Variants in PCDHGB1 observed in about 807,000 individuals in gnomAD.
PCDHGB1 encodes the protein protocadherin gamma subfamily B, 1, also known as protocadherin gamma-B1.
In PCDHGB1, 34 loss-of-function variants were observed where a neutral mutation model predicts 56.6. That is an observed-to-expected ratio of 0.60 (90% confidence interval 0.46 to 0.80). The LOEUF (loss-of-function observed/expected upper bound fraction) is 0.80, where lower values mean the gene tolerates loss of function less well. Among genes scored for constraint, PCDHGB1 ranks in the 30% least tolerant of loss-of-function variants. The pLI, the probability that PCDHGB1 is intolerant of heterozygous loss-of-function variation, is 0.00. For missense variants in PCDHGB1, 1,278 were observed against 1,204.6 expected, an observed-to-expected ratio of 1.06 and a Z score of -0.90; for synonymous variants, 561 against 505.9, an observed-to-expected ratio of 1.11 and a Z score of -1.46.
chr5:141,366,518 A>G lies in PCDHGB1; in HGVS notation c.2409+13849A>G, dbSNP rs202129179. On this transcript the variant is annotated intron_variant, in intron 1 of 3. Coordinates refer to ENST00000523390, the MANE Select transcript of PCDHGB1 (RefSeq NM_018922.3). ...GTCACGCCTGCTTCAGGCTGAAGGC[A>G]GCAGGTTGGCGGGTGTGCCCGCCTC... 2.2e-4 allele frequency: 362 copies of G among 1,614,126 alleles called. 1 individual carries two copies. Among genetic ancestry groups the G allele is most frequent in the Non-Finnish European group, 2.9e-4 (339 of 1,180,048 alleles).
intron 2 of PCDHGB1, among the ~76,000 whole-genome samples, chr5:141,501,287 TTA>T (rs1491235092): frequency 6.2e-5 from 6 of 96,980 alleles, no homozygotes; most frequent in African/African-American, 2.5e-4. Context: ...GGATATTCCC[TTA>T]TACACACACA....
At chr5:141,424,171 C>A in intron 1 of PCDHGB1, 1 of 226,338 alleles carries the variant, frequency 4.4e-6, no homozygotes, top group Non-Finnish European at 8.0e-6. Flanking sequence ...ATCTATCTAT[C>A]TATACACATG....
intron 1 of PCDHGB1, chr5:141,384,987 G>C (rs775895766): frequency 6.2e-7 from 1 of 1,614,114 alleles, no homozygotes; most frequent in African/African-American, 1.3e-5. Context: ...TGGTGGTGGC[G>C]GTGGCCACAG....
rs551220443 is a variant in PCDHGB1, at chr5:141,432,206, G to A, written c.2410-62601G>A. On this transcript the variant is annotated intron_variant, in intron 1 of 3. Transcript: ENST00000523390. The surrounding 1 kb of genome is among the most constrained non-coding windows in gnomAD (Gnocchi z 6.0). ...GACCGCCCACGACCCCGACTGTGAA[G>A]AGAACGCCCAGATCACTTATTCCCT... The A allele has an allele frequency of 6.2e-7, 1 of 1,614,096 alleles. No individual in the cohort carries two copies. Among genetic ancestry groups the A allele is most frequent in the Non-Finnish European group, 8.5e-7 (1 of 1,180,042 alleles).
At chr5:141,416,620 G>T (rs1395913352) in intron 1 of PCDHGB1, 1 of 152,142 alleles carries the variant, frequency 6.6e-6, no homozygotes, top group Non-Finnish European at 1.5e-5. Flanking sequence ...CATTTCTGCA[G>T]ATCAGAATAT....
At chr5:141,404,560 C>T (rs2094540099) in intron 1 of PCDHGB1, 37 of 1,613,460 alleles carry the variant, frequency 2.3e-5, no homozygotes, top group Non-Finnish European at 3.1e-5. Flanking sequence ...CGGCAAGTGA[C>T]AGTGGAAGCC....
intron 1 of PCDHGB1, among the ~76,000 whole-genome samples, chr5:141,449,339 G>T (rs1307731679): frequency 6.6e-6 from 1 of 151,930 alleles, no homozygotes; most frequent in Non-Finnish European, 1.5e-5. Context: ...AGGTGCAGTG[G>T]CTCACTCCTG....
chr5:141,472,980 C>CAAAAAAAAAAAAAAAAAAGAAAAAAA (rs60579131), intron 1 of PCDHGB1, among the ~76,000 whole-genome samples: 1 of 86,106 alleles, frequency 1.2e-5, no homozygotes, highest in South Asian at 4.3e-4. Flanking sequence ...GAGTGAAACT[C>CAAAAAAAAAAAAAAAAAAGAAAAAAA]AAAAAAAAAA....
At chr5:141,399,231 T>C in intron 1 of PCDHGB1, 1 of 1,613,942 alleles carries the variant, frequency 6.2e-7, no homozygotes, top group Non-Finnish European at 8.5e-7. Flanking sequence ...TCAAAATACA[T>C]GACCAAGATT....
Position 141,490,600 on chromosome 5 carries a change from T to G in PCDHGB1, c.2410-4207T>G. 6.2e-7 allele frequency: 1 copy of G among 1,614,164 alleles called. No homozygotes were observed. Among genetic ancestry groups the G allele is most frequent in the South Asian group, 1.1e-5 (1 of 91,072 alleles). ...AGATGTCAATGACAATGCACCCCGCTTCAACCAGCAGCTTTACACTGCTTA... is the reference window on the plus strand; with the variant it reads ...AGATGTCAATGACAATGCACCCCGCGTCAACCAGCAGCTTTACACTGCTTA... On this transcript the variant is annotated intron_variant, in intron 1 of 3. Coordinates refer to ENST00000523390, the MANE Select transcript of PCDHGB1 (RefSeq NM_018922.3). The surrounding 1 kb of genome is among the most constrained non-coding windows in gnomAD (Gnocchi z 5.4).
At chr5:141,365,177 A>G in intron 1 of PCDHGB1, 3 of 1,613,884 alleles carry the variant, frequency 1.9e-6, no homozygotes, top group Non-Finnish European at 2.5e-6. Context: ...CTCTTTTCGC[A>G]ATGAAGAAGA....
chr5:141,353,819 G>A (rs149485600), intron 1 of PCDHGB1, among the ~76,000 whole-genome samples: 40 of 152,124 alleles, frequency 2.6e-4, no homozygotes, highest in African/African-American at 9.2e-4. Context: ...TCAATCATCC[G>A]CAGTTTGTGC....
chr5:141,442,596 T>C (rs2154559877), intron 1 of PCDHGB1: 1 of 152,310 alleles, frequency 6.6e-6, no homozygotes, highest in South Asian at 2.1e-4. Flanking sequence ...TTAAATATTT[T>C]CAGAGATCTC....
At chr5:141,385,132 G>A (rs763210124) in intron 1 of PCDHGB1, 9 of 1,614,208 alleles carry the variant, frequency 5.6e-6, no homozygotes, top group Middle Eastern at 1.6e-4. Flanking sequence ...GGGCATGGAC[G>A]GGGTGCAGGC....
rs1199756501 is a variant in PCDHGB1 at position 141,493,222 on chromosome 5, C to A, written c.2410-1585C>A. Among the ~76,000 whole-genome samples the A allele has an allele frequency of 6.6e-6, 1 of 152,194 alleles. No individual in the cohort carries two copies. Among genetic ancestry groups the A allele is most frequent in the East Asian group, 1.9e-4 (1 of 5,196 alleles). ...ACCTCATCTCATTTGCTCTTCCCAC[C>A]ATTGCTGTTGGCTAGGTACTAACAT... On this transcript the variant is annotated intron_variant, in intron 1 of 3. Coordinates refer to ENST00000523390, the MANE Select transcript of PCDHGB1 (RefSeq NM_018922.3). This position sits in a 1 kb window ranked among gnomAD's most constrained non-coding sequence, Gnocchi z 4.3.
chr5:141,378,647 G>A lies in PCDHGB1; in HGVS notation c.2409+25978G>A, dbSNP rs576972610. On this transcript the variant is annotated intron_variant, in intron 1 of 3. Coordinates refer to ENST00000523390, the MANE Select transcript of PCDHGB1 (RefSeq NM_018922.3). Reference sequence around the variant, plus strand: ...CTGACTGGTGAATGGGAGAACAAATGTTAATGAGGTTCAAATAAAAATTTA... The same window carrying A: ...CTGACTGGTGAATGGGAGAACAAATATTAATGAGGTTCAAATAAAAATTTA... 11 of 152,304 alleles carry A rather than the reference G, an allele frequency of 7.2e-5. No homozygotes were observed. The East Asian group carries it at 1.9e-3, about 27-fold the overall frequency. 9.4% of individuals were successfully genotyped at this position (152,304 alleles called of 1,614,324 possible).
At chr5:141,365,771 A>T in intron 1 of PCDHGB1, 1 of 1,613,880 alleles carries the variant, frequency 6.2e-7, no homozygotes, top group South Asian at 1.1e-5. Context: ...TGACCCCGAC[A>T]GCGGCGACAA....
At position 141,511,345 on chromosome 5, in the gene PCDHGB1, T is replaced by C; in HGVS notation, c.*172T>C. ...AAGTGCCCAGTCAGCACCTACCCCT[T>C]CCCCCCCAGGGGGTTGAATATGCAA... On this transcript the variant is annotated 3_prime_UTR_variant, in exon 4 of 4. Transcript: ENST00000523390. The C allele has an allele frequency of 1.4e-6, 2 of 1,410,502 alleles. No homozygotes were observed. The highest frequency in any genetic ancestry group is 9.4e-7 in the Non-Finnish European group (1 of 1,060,676). 87.4% of individuals were successfully genotyped at this position (1,410,502 alleles called of 1,614,324 possible).
chr5:141,394,275 A>G (rs371709954), intron 1 of PCDHGB1: 21 of 1,613,792 alleles, frequency 1.3e-5, no homozygotes, highest in Non-Finnish European at 1.6e-5. Flanking sequence ...TGCCCAGGTC[A>G]CTTACTCTGT....
Sources: gnomAD v4.1 joint callset for allele counts (sites outside exome capture counted in the v4.1 genomes callset) on GRCh38, gnomAD v4.1.1 for gene constraint, Gnocchi (gnomAD v3.1) non-coding constraint, MANE v1.5 for transcripts, NCBI Gene and HGNC (gene_info 2026-07-23, HGNC 2026-07-21) for gene names.